Variants in FER observed in about 807,000 individuals in gnomAD.
FER encodes the protein FER tyrosine kinase.
Under a neutral mutation model 111.0 loss-of-function variants are expected in FER, and 63 were observed. That is an observed-to-expected ratio of 0.57 (90% CI 0.46 to 0.70). FER has a LOEUF of 0.70. Among genes scored for constraint, FER ranks in the 30% least tolerant of loss-of-function variants. The pLI, the probability that FER is intolerant of heterozygous loss-of-function variation, is 0.00. For missense variants in FER, 914 were observed against 954.0 expected (o/e 0.96, Z 0.55); for synonymous variants, 327 against 313.9 (o/e 1.04, Z -0.44).
intron 17 of FER, among the ~76,000 whole-genome samples, chr5:109,177,345 G>C (rs1478935810): frequency 6.6e-6 from 1 of 151,862 alleles, no homozygotes; most frequent in Non-Finnish European, 1.5e-5. Context: ...GCCTTAAAGA[G>C]GTTTTCTCCT....
At chr5:108,893,568 A>G (rs1748533130) in intron 9 of FER, among the ~76,000 whole-genome samples, 1 of 152,168 alleles carries the variant, frequency 6.6e-6, no homozygotes. Context: ...AAGCAGGCAT[A>G]GTAATGAGGA....
At chr5:109,074,462 A>G (rs560644272) in intron 16 of FER, among the ~76,000 whole-genome samples, 5 of 152,240 alleles carry the variant, frequency 3.3e-5, no homozygotes, top group African/African-American at 1.2e-4. Flanking sequence ...ATAGAAACTC[A>G]ATAAACTCTA....
At chr5:108,991,034 A>T (rs1763099556) in intron 13 of FER, among the ~76,000 whole-genome samples, 1 of 151,422 alleles carries the variant, frequency 6.6e-6, no homozygotes, top group Non-Finnish European at 1.5e-5. Context: ...TAATATTTAG[A>T]TATATAGTAT....
At chr5:109,084,436 T>C (rs776038263) in intron 16 of FER, among the ~76,000 whole-genome samples, 2 of 151,922 alleles carry the variant, frequency 1.3e-5, no homozygotes, top group Non-Finnish European at 2.9e-5. Context: ...CTAACACTAC[T>C]GAATGGTACA....
At chr5:108,974,295 G>A (rs1761049030) in intron 13 of FER, among the ~76,000 whole-genome samples, 1 of 152,148 alleles carries the variant, frequency 6.6e-6, no homozygotes, top group Non-Finnish European at 1.5e-5. Flanking sequence ...AGGGGACATA[G>A]TATGTTAGAC....
chr5:108,750,410 G>C (rs531717801), intron 1 of FER, among the ~76,000 whole-genome samples: 6 of 152,282 alleles, frequency 3.9e-5, no homozygotes, highest in African/African-American at 1.4e-4. Context: ...TGTAGTCCAG[G>C]AAAGCTTTTC....
At chr5:108,855,387 C>T (rs899024258) in intron 5 of FER, among the ~76,000 whole-genome samples, 9 of 149,328 alleles carry the variant, frequency 6.0e-5, no homozygotes, top group Non-Finnish European at 8.9e-5. Context: ...AATCCCAGCA[C>T]TTTGGGAGGC....
chr5:108,931,485 TG>T (rs2149584350), intron 10 of FER, among the ~76,000 whole-genome samples: 1 of 152,326 alleles, frequency 6.6e-6, no homozygotes, highest in East Asian at 1.9e-4. Flanking sequence ...TTATCTTTAA[TG>T]AAAAAAGTTT....
In FER at chr5:108,883,513, G is replaced by A; in HGVS notation, c.1041G>A (p.Lys347=). ...AATCTTCTGAAACTTGTGAGAAGAA[G>A]TCTGAGTGAGTAAAAGAGAAACAAT... ...IEESSETCEK[K]SDIVLLLSQK... The change falls in exon 9 of 20, where the codon AAG becomes AAA. Residue 347 remains lysine, a synonymous_variant. Coordinates refer to ENST00000281092, the MANE Select transcript of FER (RefSeq NM_005246.4). 6.3e-7 allele frequency: 1 copy of A among 1,591,868 alleles called. No individual in the cohort carries two copies.
chr5:109,172,184 C>G (rs7444247), intron 17 of FER, among the ~76,000 whole-genome samples: 1 of 151,472 alleles, frequency 6.6e-6, no homozygotes, highest in Non-Finnish European at 1.5e-5. Flanking sequence ...CACATGCACA[C>G]GTATGCTTAT....
At chr5:108,923,030 T>A (rs1396968304) in intron 10 of FER, among the ~76,000 whole-genome samples, 1 of 152,178 alleles carries the variant, frequency 6.6e-6, no homozygotes, top group African/African-American at 2.4e-5. Flanking sequence ...AGTTAAACTT[T>A]CTGTACCTCA....
chr5:108,978,279 C>G (rs1761628172), intron 13 of FER, among the ~76,000 whole-genome samples: 1 of 152,188 alleles, frequency 6.6e-6, no homozygotes, highest in African/African-American at 2.4e-5. Flanking sequence ...TTGATACATT[C>G]TAACATACAA....
intron 10 of FER, among the ~76,000 whole-genome samples, chr5:108,899,428 T>A (rs1275160523): frequency 1.3e-5 from 2 of 152,164 alleles, no homozygotes; most frequent in Non-Finnish European, 2.9e-5. Context: ...CTTTGGAATA[T>A]CTTATCTAGT....
At chr5:109,181,212 A>G (rs954890914) in intron 18 of FER, among the ~76,000 whole-genome samples, 1 of 152,274 alleles carries the variant, frequency 6.6e-6, no homozygotes, top group Admixed American at 6.5e-5. Context: ...GTGGCTCTGG[A>G]CCATTTCTTT....
At chr5:108,795,143 G>A (rs1755868758) in intron 2 of FER, among the ~76,000 whole-genome samples, 2 of 152,170 alleles carry the variant, frequency 1.3e-5, no homozygotes, top group African/African-American at 2.4e-5. Flanking sequence ...GGGCAACAAA[G>A]TGTGACCCCT....
At chr5:108,944,322 T>C (rs1191481868) in intron 10 of FER, among the ~76,000 whole-genome samples, 3 of 152,128 alleles carry the variant, frequency 2.0e-5, no homozygotes, top group East Asian at 3.9e-4. Context: ...TTTAATAACA[T>C]TGCTTCTCCC....
intron 10 of FER, among the ~76,000 whole-genome samples, chr5:108,926,357 C>T (rs551536113): frequency 5.9e-5 from 9 of 151,640 alleles, no homozygotes; most frequent in Non-Finnish European, 8.8e-5. Context: ...TATAGTAGTT[C>T]TACTACATAT....
chr5:108,832,193 C>T (rs1357893995), intron 3 of FER, among the ~76,000 whole-genome samples: 2 of 142,204 alleles, frequency 1.4e-5, no homozygotes, highest in African/African-American at 5.3e-5. Context: ...CCATACAATA[C>T]CAGTATTCTC....
chr5:109,157,516 G>GTT (rs148995299), intron 17 of FER, among the ~76,000 whole-genome samples: 15 of 147,828 alleles, frequency 1.0e-4, no homozygotes, highest in East Asian at 7.9e-4. Flanking sequence ...GATGAGTTCT[G>GTT]TTTTTTTTTT....
Sources: gnomAD v4.1 joint callset for allele counts (sites outside exome capture counted in the v4.1 genomes callset) on GRCh38, gnomAD v4.1.1 for gene constraint, MANE v1.5 for transcripts, NCBI Gene and HGNC (gene_info 2026-07-23, HGNC 2026-07-21) for gene names.